The following LINGO2 variants were observed in gnomAD, a reference collection of about 807,000 sequenced individuals.
LINGO2 encodes leucine-rich repeat and immunoglobulin-like domain-containing nogo receptor-interacting protein 2.
LINGO2 carries 14 observed loss-of-function variants against 30.6 expected under a neutral mutation model. That is an observed-to-expected ratio of 0.46 (90% CI 0.30 to 0.72). The LOEUF is 0.72. LINGO2 is among the 30% of genes least tolerant of loss of function. LINGO2 has a pLI of 0.07. For synonymous variants in LINGO2, 317 were observed against 288.5 expected, an observed-to-expected ratio of 1.10 and a Z score of -1.00; for missense variants, 729 against 751.7, an observed-to-expected ratio of 0.97 and a Z score of 0.35.
the LINGO2 span, among the ~76,000 whole-genome samples, chr9:29,166,862 A>G: frequency 6.6e-6 from 1 of 152,084 alleles, no homozygotes. Flanking sequence ...CATATTACTG[A>G]ACGCTCTTTC....
At chr9:28,909,800 A>G in the LINGO2 span, among the ~76,000 whole-genome samples, 23,414 of 152,044 alleles carry the variant, frequency 0.15, 1,855 homozygotes, top group South Asian at 0.2. Flanking sequence ...TAAAACTCCA[A>G]TTCAGGAAAG....
intron 1 of LINGO2, among the ~76,000 whole-genome samples, chr9:28,652,322 C>A (rs1428251681): frequency 1.3e-5 from 2 of 152,234 alleles, no homozygotes; most frequent in African/African-American, 4.8e-5. Flanking sequence ...AAGATACCAA[C>A]TACTAAGTTG....
the LINGO2 span, among the ~76,000 whole-genome samples, chr9:28,799,656 T>C: frequency 6.6e-6 from 1 of 152,132 alleles, no homozygotes; most frequent in African/African-American, 2.4e-5. Context: ...TTCCTCGTGG[T>C]AATTGATAAA....
rs184256334 is a variant in LINGO2 at position 28,102,225 on chromosome 9, C to T, written c.-86-89820G>A. On this transcript the variant is annotated intron_variant, in intron 4 of 5. Transcript: ENST00000379992. The stretch of plus-strand genomic sequence containing the variant: ...TTTCTGGTGGGACTATGGGAAAAGA[C>T]AGCTTTCAATTTTAAACAGTATATA... Among the ~76,000 whole-genome samples, 55 of 151,790 alleles carry T rather than the reference C, an allele frequency of 3.6e-4. 1 individual carries two copies. In the East Asian group the frequency reaches 9.3e-3, roughly 26 times the overall value.
chr9:28,207,590 G>T (rs544030874), intron 4 of LINGO2, among the ~76,000 whole-genome samples: 1 of 152,042 alleles, frequency 6.6e-6, no homozygotes, highest in South Asian at 2.1e-4. Context: ...TAACAAAAAT[G>T]TTCCCCTCCA....
chr9:28,526,055 C>CAAAAAATAAAAA (rs1821020656), intron 1 of LINGO2, among the ~76,000 whole-genome samples: 1 of 48,516 alleles, frequency 2.1e-5, no homozygotes, highest in Non-Finnish European at 3.7e-5. Context: ...GACTCCGTCT[C>CAAAAAATAAAAA]AAAAAAAAAA....
At chr9:28,782,941 A>G in the LINGO2 span, among the ~76,000 whole-genome samples, 1 of 152,180 alleles carries the variant, frequency 6.6e-6, no homozygotes, top group Non-Finnish European at 1.5e-5. Flanking sequence ...CTAGGTTACA[A>G]ACCTGTACAG....
At chr9:28,041,773 C>A (rs1824206316) in intron 4 of LINGO2, among the ~76,000 whole-genome samples, 1 of 152,096 alleles carries the variant, frequency 6.6e-6, no homozygotes, top group African/African-American at 2.4e-5. Context: ...ATATATTTTC[C>A]TTTTCCATGA....
chr9:28,146,417 C>T (rs896960772), intron 4 of LINGO2, among the ~76,000 whole-genome samples: 1 of 151,982 alleles, frequency 6.6e-6, no homozygotes, highest in Non-Finnish European at 1.5e-5. Context: ...TAGCAAAAGA[C>T]AGAGAAAGTA....
At chr9:29,112,855 GA>G in the LINGO2 span, among the ~76,000 whole-genome samples, 1 of 152,238 alleles carries the variant, frequency 6.6e-6, no homozygotes, top group Admixed American at 6.5e-5. Flanking sequence ...CTCTGTACTA[GA>G]AATTATGCTA....
rs1401515232 is a variant in LINGO2 at position 28,593,073 on chromosome 9, C to T, written c.-365+77127G>A. ...TAACAAATACTAATTACATTTCCTGCTTTAGGTGTGAACTCTGCTTCTCCT... is the reference window on the plus strand; with the variant it reads ...TAACAAATACTAATTACATTTCCTGTTTTAGGTGTGAACTCTGCTTCTCCT... On this transcript the variant is annotated intron_variant, in intron 1 of 5. Transcript: ENST00000379992. Among the ~76,000 whole-genome samples, 4 of 152,040 alleles carry T rather than the reference C, an allele frequency of 2.6e-5. 1 individual carries two copies. The highest frequency in any genetic ancestry group is 5.9e-5 in the Non-Finnish European group (4 of 67,994).
At chr9:29,170,021 C>T in the LINGO2 span, among the ~76,000 whole-genome samples, 6 of 151,796 alleles carry the variant, frequency 4.0e-5, no homozygotes, top group Non-Finnish European at 7.4e-5. Flanking sequence ...ACAACAACAA[C>T]AACAACAAAA....
intron 4 of LINGO2, among the ~76,000 whole-genome samples, chr9:28,082,240 T>A (rs559837077): frequency 1.3e-4 from 20 of 152,328 alleles, no homozygotes; most frequent in African/African-American, 4.8e-4. Context: ...TTTTAGGCTG[T>A]CATCTTTGTT....
intron 4 of LINGO2, among the ~76,000 whole-genome samples, chr9:28,286,168 A>T (rs1350645719): frequency 6.6e-6 from 1 of 152,232 alleles, no homozygotes; most frequent in African/African-American, 2.4e-5. Context: ...CCATGAGAGG[A>T]TAAAGTAGCA....
intron 4 of LINGO2, among the ~76,000 whole-genome samples, chr9:28,257,683 G>A (rs1294714231): frequency 6.6e-6 from 1 of 151,848 alleles, no homozygotes; most frequent in Non-Finnish European, 1.5e-5. Context: ...TGATCCACAT[G>A]CTTATTTATT....
the LINGO2 span, among the ~76,000 whole-genome samples, chr9:29,093,390 T>G: frequency 7.5e-6 from 1 of 133,560 alleles, no homozygotes; most frequent in Non-Finnish European, 1.6e-5. Flanking sequence ...TTATCAGTAT[T>G]ATTATTATTA....
chr9:29,043,070 A>G, the LINGO2 span, among the ~76,000 whole-genome samples: 1 of 151,926 alleles, frequency 6.6e-6, no homozygotes, highest in East Asian at 1.9e-4. Flanking sequence ...AATCTACAAT[A>G]ATCTCAAGAA....
chr9:28,289,861 A>C (rs1410933277), intron 4 of LINGO2, among the ~76,000 whole-genome samples: 1 of 152,164 alleles, frequency 6.6e-6, no homozygotes, highest in African/African-American at 2.4e-5. Context: ...AAGCAGGACA[A>C]AGAGGTATTC....
intron 1 of LINGO2, among the ~76,000 whole-genome samples, chr9:28,575,433 A>C (rs1823920272): frequency 6.7e-6 from 1 of 148,448 alleles, no homozygotes; most frequent in East Asian, 1.9e-4. Context: ...AAAACAACAC[A>C]AAAAAAACCA....
Sources: gnomAD v4.1 joint callset for allele counts (sites outside exome capture counted in the v4.1 genomes callset) on GRCh38, gnomAD v4.1.1 for gene constraint, MANE v1.5 for transcripts, NCBI Gene and HGNC (gene_info 2026-07-23, HGNC 2026-07-21) for gene names.